Variants in EXT1 observed in about 807,000 individuals in gnomAD.
EXT1 encodes the protein exostosin glycosyltransferase 1.
EXT1 carries 20 observed loss-of-function variants against 82.5 expected under a neutral mutation model. That is an observed-to-expected ratio of 0.24 (90% confidence interval 0.17 to 0.35). EXT1 has a LOEUF of 0.35. Among genes scored for constraint, EXT1 ranks in the 10% least tolerant of loss-of-function variants. EXT1 has a pLI of 1.00. For synonymous variants in EXT1, 348 were observed against 350.8 expected, an observed-to-expected ratio of 0.99 and a Z score of 0.09; for missense variants, 757 against 936.5, an observed-to-expected ratio of 0.81 and a Z score of 2.50.
At chr8:117,870,823 T>TCTCACACACACACA (rs150568638) in intron 1 of EXT1, among the ~76,000 whole-genome samples, 7 of 146,774 alleles carry the variant, frequency 4.8e-5, no homozygotes, top group Admixed American at 1.4e-4. Context: ...AAATGCTTTG[T>TCTCACACACACACA]CACACACACA....
At chr8:117,847,256 C>T (rs1253620672) in intron 1 of EXT1, among the ~76,000 whole-genome samples, 1 of 152,172 alleles carries the variant, frequency 6.6e-6, no homozygotes, top group Non-Finnish European at 1.5e-5. Flanking sequence ...CAAACACATG[C>T]CCAACTCTTG....
intron 1 of EXT1, among the ~76,000 whole-genome samples, chr8:118,003,489 T>C (rs546299800): frequency 7.6e-4 from 115 of 152,316 alleles, no homozygotes; most frequent in African/African-American, 2.6e-3. Context: ...GGAATCTGGA[T>C]TCTTTAAGTC....
chr8:117,823,995 T>C (rs896374760), intron 4 of EXT1, among the ~76,000 whole-genome samples: 2 of 152,230 alleles, frequency 1.3e-5, no homozygotes, highest in Admixed American at 6.5e-5. Context: ...ACTTTTTACA[T>C]GGTTAGCAAT....
intron 1 of EXT1, among the ~76,000 whole-genome samples, chr8:117,858,386 T>C (rs1276586732): frequency 1.3e-5 from 2 of 152,112 alleles, no homozygotes; most frequent in Non-Finnish European, 2.9e-5. Context: ...TTTAAGAAAC[T>C]GTCAGCCAGG....
At chr8:117,944,032 C>T (rs1001673587) in intron 1 of EXT1, among the ~76,000 whole-genome samples, 1 of 152,150 alleles carries the variant, frequency 6.6e-6, no homozygotes, top group East Asian at 1.9e-4. Flanking sequence ...GTATGAAAGA[C>T]AGAAGGGAGA....
At chr8:117,858,766 A>AAGGCAGGCAGGCAGGCAGGCAGGC (rs71303472) in intron 1 of EXT1, among the ~76,000 whole-genome samples, 9 of 54,668 alleles carry the variant, frequency 1.6e-4, no homozygotes, top group African/African-American at 1.0e-4. Flanking sequence ...GGAAGGAAGG[A>AAGGCAGGCAGGCAGGCAGGCAGGC]AGGCAGGCAG....
intron 1 of EXT1, among the ~76,000 whole-genome samples, chr8:117,944,638 A>T (rs777160690): frequency 1.2e-4 from 19 of 152,230 alleles, no homozygotes; most frequent in Non-Finnish European, 2.6e-4. Flanking sequence ...AGGTTTTAAG[A>T]CAGAACAATT....
chr8:117,984,334 G>A (rs942163595), intron 1 of EXT1, among the ~76,000 whole-genome samples: 8 of 151,972 alleles, frequency 5.3e-5, no homozygotes, highest in African/African-American at 1.2e-4. Context: ...CAGGAGAATC[G>A]CTTGAACCTG....
chr8:117,956,567 C>T (rs937954595), intron 1 of EXT1, among the ~76,000 whole-genome samples: 1 of 152,108 alleles, frequency 6.6e-6, no homozygotes, highest in Admixed American at 6.5e-5. Context: ...CTCAGCCTCC[C>T]AAATAGCTGG....
intron 1 of EXT1, among the ~76,000 whole-genome samples, chr8:118,071,096 T>A (rs1328256535): frequency 6.6e-6 from 1 of 152,152 alleles, no homozygotes; most frequent in African/African-American, 2.4e-5. Context: ...AGAATTTAAA[T>A]AAATAAAAAT....
rs531329914 is a variant in EXT1 at position 117,822,550 on chromosome 8, T to C, written c.1332A>G (p.Ile444Met). 3.1e-6 allele frequency: 5 copies of C among 1,613,418 alleles called. No homozygotes were observed. The East Asian group carries it at 8.9e-5, about 29-fold the overall frequency. The change falls in exon 5 of 11, where the codon ATA becomes ATG. Residue 444 changes from isoleucine (I) to methionine (M), a missense_variant. Coordinates refer to ENST00000378204, the MANE Select transcript of EXT1 (RefSeq NM_000127.3). Reference sequence around the variant, plus strand: ...ACAATCCTCCAGGATGTTTGTTCCATATTAAACTGTTACGTGATATGTGCT... The same window carrying C: ...ACAATCCTCCAGGATGTTTGTTCCACATTAAACTGTTACGTGATATGTGCT... ...IFKHISRNSL[I>M]WNKHPGGLFV... is the part of the protein sequence containing the mutation.
intron 1 of EXT1, among the ~76,000 whole-genome samples, chr8:117,838,265 C>T (rs7842436): frequency 6.6e-6 from 1 of 152,170 alleles, no homozygotes; most frequent in African/African-American, 2.4e-5. Context: ...GTCACCACCA[C>T]TTTCTGACTC....
chr8:117,986,365 A>G (rs1303694632), intron 1 of EXT1, among the ~76,000 whole-genome samples: 1 of 151,662 alleles, frequency 6.6e-6, no homozygotes, highest in Non-Finnish European at 1.5e-5. Flanking sequence ...AAGTTTTTGT[A>G]CTTTTAGCAG....
chr8:117,915,192 G>C (rs555930594), intron 1 of EXT1, among the ~76,000 whole-genome samples: 14 of 152,254 alleles, frequency 9.2e-5, no homozygotes, highest in African/African-American at 2.6e-4. Flanking sequence ...AATATTGGGG[G>C]CGGGTTCCCC....
At chr8:117,880,182 G>A (rs1341137206) in intron 1 of EXT1, among the ~76,000 whole-genome samples, 1 of 152,204 alleles carries the variant, frequency 6.6e-6, no homozygotes, top group African/African-American at 2.4e-5. Context: ...AGCATTTTAA[G>A]TTACAACATG....
At chr8:117,973,270 C>A (rs534772737) in intron 1 of EXT1, among the ~76,000 whole-genome samples, 1 of 152,174 alleles carries the variant, frequency 6.6e-6, no homozygotes, top group Non-Finnish European at 1.5e-5. Flanking sequence ...TGCAGTAAGT[C>A]CCTCCTTTTC....
intron 1 of EXT1, among the ~76,000 whole-genome samples, chr8:117,878,252 C>A (rs1288418338): frequency 6.6e-6 from 1 of 152,074 alleles, no homozygotes; most frequent in African/African-American, 2.4e-5. Context: ...CTAGCTTGGG[C>A]GACAGAGTGT....
intron 1 of EXT1, among the ~76,000 whole-genome samples, chr8:117,907,432 C>T (rs1475107417): frequency 2.0e-5 from 3 of 152,198 alleles, no homozygotes; most frequent in African/African-American, 7.2e-5. Context: ...GTTCCCCTTA[C>T]TAATAGGAAG....
At chr8:118,032,121 TA>T (rs1563634860) in intron 1 of EXT1, among the ~76,000 whole-genome samples, 2 of 139,520 alleles carry the variant, frequency 1.4e-5, no homozygotes, top group Non-Finnish European at 3.1e-5. Context: ...TTTTGGCCAT[TA>T]CTCAATGGCC....
Sources: allele counts gnomAD v4.1 joint callset (sites outside exome capture counted in the v4.1 genomes callset), GRCh38; gene constraint gnomAD v4.1.1; transcripts MANE v1.5; gene names NCBI Gene and HGNC (gene_info 2026-07-23, HGNC 2026-07-21).